Variants in ZNF787 observed in about 807,000 individuals in gnomAD.
ZNF787 encodes the protein zinc finger protein 787, also known as TTF-I-interacting peptide 20.
In ZNF787, 7 loss-of-function variants were observed where a neutral mutation model predicts 16.9. The observed-to-expected ratio is 0.42, with a 90% confidence interval of 0.24 to 0.78. The LOEUF (loss-of-function observed/expected upper bound fraction) is 0.78. ZNF787 is among the 30% of genes least tolerant of loss of function. ZNF787 has a pLI of 0.30. For synonymous variants in ZNF787, 345 were observed against 270.9 expected, an observed-to-expected ratio of 1.27 and a Z score of -2.69; for missense variants, 551 against 589.3, an observed-to-expected ratio of 0.94 and a Z score of 0.67.
chr19:56,120,566 T>A (rs1051420613), intron 1 of ZNF787, among the ~76,000 whole-genome samples: 1 of 152,230 alleles, frequency 6.6e-6, no homozygotes, highest in African/African-American at 2.4e-5. Flanking sequence ...ATTACCCGCC[T>A]GATCAAAGGC....
intron 2 of ZNF787, among the ~76,000 whole-genome samples, chr19:56,090,339 A>C (rs1985525294): frequency 6.6e-6 from 1 of 152,138 alleles, no homozygotes; most frequent in Non-Finnish European, 1.5e-5. Flanking sequence ...CAGCTACACG[A>C]CTACAAAGTG....
At chr19:56,093,128 T>C (rs956865286) in intron 2 of ZNF787, among the ~76,000 whole-genome samples, 2 of 134,132 alleles carry the variant, frequency 1.5e-5, no homozygotes, top group African/African-American at 2.9e-5. Flanking sequence ...AGTGGGATAT[T>C]CCATAGACAC....
At chr19:56,089,149 G>C in intron 2 of ZNF787, 57 bp from the exon 3 acceptor site, 6 of 1,329,658 alleles carry the variant, frequency 4.5e-6, no homozygotes, top group Non-Finnish European at 4.9e-6. Flanking sequence ...CTCCACGCCT[G>C]CCTTGGCTGC....
At chr19:56,119,483 G>A (rs2030226681) in intron 1 of ZNF787, among the ~76,000 whole-genome samples, 1 of 152,170 alleles carries the variant, frequency 6.6e-6, no homozygotes, top group African/African-American at 2.4e-5. Context: ...GGTCTGCTCT[G>A]GCTCTAAAAT....
intron 1 of ZNF787, among the ~76,000 whole-genome samples, chr19:56,120,641 G>C (rs998611055): frequency 6.6e-6 from 1 of 151,640 alleles, no homozygotes; most frequent in Non-Finnish European, 1.5e-5. Flanking sequence ...AGGAAGGGCT[G>C]GGGGGGCCGA....
chr19:56,100,545 G>A (rs1986050699), intron 2 of ZNF787, among the ~76,000 whole-genome samples: 1 of 151,960 alleles, frequency 6.6e-6, no homozygotes, highest in Non-Finnish European at 1.5e-5. Flanking sequence ...TCCAGGGTAT[G>A]CTCCTCTCCA....
chr19:56,119,110 G>A (rs1050015570), intron 1 of ZNF787, among the ~76,000 whole-genome samples: 4 of 152,166 alleles, frequency 2.6e-5, no homozygotes, highest in Admixed American at 6.5e-5. Flanking sequence ...TTCCTGCCAG[G>A]CTGCCCAGCA....
intron 2 of ZNF787, among the ~76,000 whole-genome samples, chr19:56,094,619 C>T (rs1314042385): frequency 6.6e-6 from 1 of 152,056 alleles, no homozygotes; most frequent in Admixed American, 6.6e-5. Flanking sequence ...CCGAGGCTGC[C>T]CCCTCGTTTC....
At position 56,087,553 on chromosome 19, in the gene ZNF787, G is replaced by T. The variant is rs1048972823; in HGVS notation, c.*470C>A. The T allele has an allele frequency of 6.5e-6, 1 of 152,858 alleles. No individual in the cohort carries two copies. Among genetic ancestry groups the T allele is most frequent in the Admixed American group, 6.5e-5 (1 of 15,310 alleles). 9.5% of individuals were successfully genotyped at this position (152,858 alleles called of 1,614,324 possible). On this transcript the variant is annotated 3_prime_UTR_variant, in exon 3 of 3. Coordinates refer to ENST00000610935, the MANE Select transcript of ZNF787 (RefSeq NM_001002836.4). Reference sequence around the variant, plus strand: ...AAAAATAATGGATTGGGGCGGGCGGGGAGTCAAAAGGTGGGCTGATTAAAA... The same window carrying T: ...AAAAATAATGGATTGGGGCGGGCGGTGAGTCAAAAGGTGGGCTGATTAAAA...
Position 56,087,890 on chromosome 19 carries a change from G to T in ZNF787, c.*133C>A. 1 of 1,263,990 alleles carries T rather than the reference G, an allele frequency of 7.9e-7. No homozygotes were observed. Among genetic ancestry groups the T allele is most frequent in the Non-Finnish European group, 1.0e-6 (1 of 1,001,610 alleles). The allele number at this position is 1,263,990 out of a possible 1,614,324, so 78.3% of individuals were successfully genotyped here. On this transcript the variant is annotated 3_prime_UTR_variant, in exon 3 of 3. Coordinates refer to ENST00000610935, the MANE Select transcript of ZNF787 (RefSeq NM_001002836.4). ...CCCCACGGACGGCGCAGGGACAGAG[G>T]AGGGCGGGGAGCCGGGGATGCCGCG...
chr19:56,109,313 G>A (rs1347990325), intron 1 of ZNF787, among the ~76,000 whole-genome samples: 2 of 152,034 alleles, frequency 1.3e-5, no homozygotes, highest in African/African-American at 2.4e-5. Context: ...CCAAAGGCAC[G>A]GGGGCAGCAG....
At position 56,113,889 on chromosome 19, in the gene ZNF787, G is replaced by A. The variant is rs543307327; in HGVS notation, c.-11+7283C>T. 3.9e-5 allele frequency among the ~76,000 whole-genome samples: 6 copies of A among 152,226 alleles called. No individual in the cohort carries two copies. In the South Asian group the frequency reaches 6.2e-4, roughly 16 times the overall value. On this transcript the variant is annotated intron_variant, in intron 1 of 2. Transcript: ENST00000610935. ...TTCTCGCCCAGGCTGGAGGGCAATCGCACCATCTCGGCTCACTGCAACCTT... is the reference window on the plus strand; with the variant it reads ...TTCTCGCCCAGGCTGGAGGGCAATCACACCATCTCGGCTCACTGCAACCTT...
rs1295837178 is a variant in ZNF787 at position 56,088,170 on chromosome 19, T to G, written c.1002A>C (p.Arg334Ser). 7 of 1,550,622 alleles carry G rather than the reference T, an allele frequency of 4.5e-6. No homozygotes were observed. Among genetic ancestry groups the G allele is most frequent in the African/African-American group, 2.9e-5 (2 of 69,448 alleles). Reference protein sequence around the residue: ...EGFVQGAALRRHKKIHAVGAP... With the variant: ...EGFVQGAALRSHKKIHAVGAP... ...CGCCCACCGCGTGGATCTTCTTGTG[T>G]CTCCGGAGCGCGGCGCCCTGCACGA... Residue 334 changes from arginine to serine, a missense_variant, in exon 3 of 3, where the codon AGA becomes AGC. Around this residue, in one of 4 missense-constraint regions of ZNF787, gnomAD observed 392 missense variants for 312.7 expected, o/e 1.25. Coordinates refer to ENST00000610935, the MANE Select transcript of ZNF787 (RefSeq NM_001002836.4). The surrounding 1 kb of genome is among the most constrained non-coding windows in gnomAD (Gnocchi z 8.6).
At position 56,108,301 on chromosome 19, in the gene ZNF787, C is replaced by T. The variant is rs187769738; in HGVS notation, c.-10-5074G>A. Among the ~76,000 whole-genome samples the T allele has an allele frequency of 1.5e-3, 222 of 144,346 alleles. 2 individuals carry two copies. The highest frequency in any genetic ancestry group is 5.4e-3 in the African/African-American group (209 of 38,492). 94.7% of individuals were successfully genotyped at this position (144,346 alleles called of 152,430 possible). A position where few individuals can be genotyped will look rare whatever the true frequency, so the allele number is the denominator to read the frequency against. On this transcript the variant is annotated intron_variant, in intron 1 of 2. Coordinates refer to ENST00000610935, the MANE Select transcript of ZNF787 (RefSeq NM_001002836.4). ...CCACCCCGCCCCTGCCCAGAACTCC[C>T]AGCTCCCACCACCCAGCCCCTGCCC...
At chr19:56,120,854 T>G (rs2030273081) in intron 1 of ZNF787, among the ~76,000 whole-genome samples, 1 of 23,050 alleles carries the variant, frequency 4.3e-5, no homozygotes, top group African/African-American at 2.1e-4. Context: ...AGGCCCCCGC[T>G]CCTGCCCCCG....
At chr19:56,100,874 C>A (rs1986067825) in intron 2 of ZNF787, among the ~76,000 whole-genome samples, 1 of 135,372 alleles carries the variant, frequency 7.4e-6, no homozygotes, top group African/African-American at 2.8e-5. Context: ...AGGAGGGACG[C>A]ATGTAGGCGG....
chr19:56,119,755 A>T (rs2123436488), intron 1 of ZNF787, among the ~76,000 whole-genome samples: 1 of 152,352 alleles, frequency 6.6e-6, no homozygotes, highest in Non-Finnish European at 1.5e-5. Context: ...GCAAGCAGGA[A>T]TCTGATCTGG....
chr19:56,103,765 G>A lies in ZNF787; in HGVS notation c.-10-538C>T, dbSNP rs906742483. 6.6e-5 allele frequency among the ~76,000 whole-genome samples: 10 copies of A among 150,420 alleles called. 1 individual carries two copies. Among genetic ancestry groups the A allele is most frequent in the Admixed American group, 3.3e-4 (5 of 15,074 alleles). Reference sequence around the variant, plus strand: ...ACACACCGTGAGGGTCTCTGCGCACGACACCACCGACCCGTGCCACGCACC... The same window carrying A: ...ACACACCGTGAGGGTCTCTGCGCACAACACCACCGACCCGTGCCACGCACC... On this transcript the variant is annotated intron_variant, in intron 1 of 2. Transcript: ENST00000610935.
At chr19:56,091,064 C>T (rs189596032) in intron 2 of ZNF787, among the ~76,000 whole-genome samples, 3 of 152,258 alleles carry the variant, frequency 2.0e-5, no homozygotes, top group East Asian at 3.9e-4. Context: ...GAGCCCACTG[C>T]GTTGTCAACA....
Sources: allele counts gnomAD v4.1 joint callset (sites outside exome capture counted in the v4.1 genomes callset), GRCh38; gene constraint gnomAD v4.1.1; regional missense constraint gnomAD v4.1.1; non-coding constraint Gnocchi (gnomAD v3.1); transcripts MANE v1.5; gene names NCBI Gene and HGNC (gene_info 2026-07-23, HGNC 2026-07-21).